The following CFTR variants were observed in gnomAD, a reference collection of about 807,000 sequenced individuals.
The protein encoded by CFTR is CF transmembrane conductance regulator.
In CFTR, 181 loss-of-function variants were observed where a neutral mutation model predicts 171.6. The observed-to-expected ratio is 1.05, with a 90% CI of 0.93 to 1.19. The LOEUF is 1.19. Among genes scored for constraint, CFTR ranks in the 50% most tolerant of loss-of-function variants. The pLI is 0.00. For synonymous variants in CFTR, 583 were observed against 608.0 expected (o/e 0.96, Z 0.60); for missense variants, 1,968 against 1,734.7 (o/e 1.13, Z -2.39).
At chr7:117,595,150 T>C (rs1253580846) in intron 15 of CFTR, 92 bp downstream of exon 15, 1 of 991,496 alleles carries the variant, frequency 1.0e-6, no homozygotes, top group Non-Finnish European at 1.6e-6. Flanking sequence ...CACATAAATA[T>C]GTATATATAC....
At position 117,509,154 on chromosome 7, in the gene CFTR, A is replaced by C; in HGVS notation, c.273+12A>C. 3 of 1,361,404 alleles carry C rather than the reference A, an allele frequency of 2.2e-6. No homozygotes were observed. The highest frequency in any genetic ancestry group is 3.2e-6 in the Non-Finnish European group (3 of 950,112). The allele number at this position is 1,361,404 out of a possible 1,614,324, so 84.3% of individuals were successfully genotyped here. ...TTTTATATTTAGGGGTAAGGATCTC[A>C]TTTGTACATTCATTATGTATCACAT... On this transcript the variant is annotated intron_variant, in intron 3 of 26. Transcript: ENST00000003084.
At chr7:117,644,818 T>G (rs539404580) in intron 23 of CFTR, among the ~76,000 whole-genome samples, 1 of 152,174 alleles carries the variant, frequency 6.6e-6, no homozygotes, top group Admixed American at 6.6e-5. Flanking sequence ...TAATTTGTTC[T>G]GTGTTACCTG....
At chr7:117,597,362 C>T (rs1792147534) in intron 15 of CFTR, among the ~76,000 whole-genome samples, 1 of 152,168 alleles carries the variant, frequency 6.6e-6, no homozygotes, top group Non-Finnish European at 1.5e-5. Context: ...GTCAGTGAGA[C>T]CAAGAACCCA....
At chr7:117,492,874 A>G (rs1345439879) in intron 1 of CFTR, among the ~76,000 whole-genome samples, 1 of 151,992 alleles carries the variant, frequency 6.6e-6, no homozygotes, top group Non-Finnish European at 1.5e-5. Context: ...AATGCATTTG[A>G]GGTTTCTTGG....
chr7:117,509,010 G>C, intron 2 of CFTR, 24 bp from the exon 3 acceptor site: 2 of 1,396,414 alleles, frequency 1.4e-6, no homozygotes, highest in South Asian at 2.3e-5. Context: ...CAACTTATTG[G>C]TCCCACTTTT....
In CFTR at chr7:117,592,225, T is replaced by A; in HGVS notation, c.2058T>A (p.Ser686=). The A allele has an allele frequency of 6.2e-7, 1 of 1,613,814 alleles. No homozygotes were observed. The highest frequency in any genetic ancestry group is 8.5e-7 in the Non-Finnish European group (1 of 1,179,974). Residue 686 remains serine, a synonymous_variant, in exon 14 of 27, where the codon TCT becomes TCA. Transcript: ENST00000003084. ...CCTGGACAGAAACAAAAAAACAATC[T>A]TTTAAACAGACTGGAGAGTTTGGGG... ...PVSWTETKKQ[S]FKQTGEFGEK...
At chr7:117,612,006 G>GATATATATATATATATGTATATATAT (rs1384413256) in intron 20 of CFTR, among the ~76,000 whole-genome samples, 198 bp downstream of exon 20, 35 of 76,718 alleles carry the variant, frequency 4.6e-4, no homozygotes, top group Middle Eastern at 0.012. Flanking sequence ...CTTGAAATCG[G>GATATATATATATATATGTATATATAT]ATATATATAT....
chr7:117,549,615 G>T (rs776655398), intron 10 of CFTR, among the ~76,000 whole-genome samples: 24 of 152,118 alleles, frequency 1.6e-4, no homozygotes, highest in Non-Finnish European at 2.5e-4. Flanking sequence ...TATTAGAATG[G>T]GCTAAAGGGC....
chr7:117,664,698 G>GGTTGTTCT lies in CFTR; in HGVS notation c.3974_3975insGTTGTTCT (p.Ser1326LeufsTer5). The stretch of plus-strand genomic sequence containing the variant: ...CTTCTCTAACTGCAGGTTGGGCTCA[G>GGTTGTTCT]ATCTGTGATAGAACAGTTTCCTGGG... On this transcript the variant is annotated frameshift_variant, in exon 25 of 27. Coordinates refer to ENST00000003084, the MANE Select transcript of CFTR (RefSeq NM_000492.4). LOFTEE classifies it high-confidence loss of function. 6.2e-7 allele frequency: 1 copy of GGTTGTTCT among 1,613,906 alleles called. No individual in the cohort carries two copies. Among genetic ancestry groups the GGTTGTTCT allele is most frequent in the Non-Finnish European group, 8.5e-7 (1 of 1,179,846 alleles).
intron 10 of CFTR, among the ~76,000 whole-genome samples, chr7:117,551,040 C>T (rs185149562): frequency 3.9e-5 from 6 of 152,272 alleles, no homozygotes; most frequent in African/African-American, 1.2e-4. Context: ...TAATTTGTAT[C>T]AGAAGCTTAA....
chr7:117,581,190 A>G (rs1584807503), intron 11 of CFTR, among the ~76,000 whole-genome samples: 1 of 152,266 alleles, frequency 6.6e-6, no homozygotes, highest in South Asian at 2.1e-4. Context: ...CTCACCCTTA[A>G]GAATCCTAGC....
chr7:117,547,685 C>T (rs909086264), intron 9 of CFTR, among the ~76,000 whole-genome samples: 1 of 152,052 alleles, frequency 6.6e-6, no homozygotes, highest in African/African-American at 2.4e-5. Flanking sequence ...TTTATGGGAG[C>T]CTCTTTCAAG....
intron 20 of CFTR, among the ~76,000 whole-genome samples, chr7:117,612,840 T>C (rs1206783017): frequency 1.3e-5 from 2 of 152,170 alleles, no homozygotes; most frequent in Admixed American, 6.6e-5. Flanking sequence ...TTCCTTTCTC[T>C]CTCTGAAGAC....
chr7:117,621,195 G>C (rs1371638536), intron 21 of CFTR, among the ~76,000 whole-genome samples: 1 of 152,138 alleles, frequency 6.6e-6, no homozygotes, highest in African/African-American at 2.4e-5. Flanking sequence ...CAGGGTGACT[G>C]AGCATGATGT....
At chr7:117,637,675 G>A (rs1249554294) in intron 22 of CFTR, among the ~76,000 whole-genome samples, 2 of 151,890 alleles carry the variant, frequency 1.3e-5, no homozygotes, top group South Asian at 2.1e-4. Flanking sequence ...TCAGGAGTTC[G>A]AGACCAGCCT....
chr7:117,601,382 G>C (rs1217341958), intron 15 of CFTR, among the ~76,000 whole-genome samples: 2 of 152,170 alleles, frequency 1.3e-5, no homozygotes, highest in South Asian at 4.1e-4. Flanking sequence ...AAGAAAAGTA[G>C]GAAAGTGAGA....
At position 117,561,460 on chromosome 7, in the gene CFTR, G is replaced by A. The variant is rs190270579; in HGVS notation, c.1584+1805G>A. 1.2e-3 allele frequency among the ~76,000 whole-genome samples: 179 copies of A among 151,996 alleles called. 1 individual carries two copies. The highest frequency in any genetic ancestry group is 3.8e-3 in the African/African-American group (156 of 41,480). On this transcript the variant is annotated intron_variant, in intron 11 of 26. Transcript: ENST00000003084. ...CTGTGCCTATTAGCATCCAATTACC[G>A]TTCCTTTGTAGCTAAGTCTCCCCCA...
At chr7:117,563,426 A>C (rs1791548750) in intron 11 of CFTR, among the ~76,000 whole-genome samples, 1 of 152,160 alleles carries the variant, frequency 6.6e-6, no homozygotes, top group Non-Finnish European at 1.5e-5. Flanking sequence ...GAAGATAAGA[A>C]ATGTCATTTT....
At chr7:117,551,128 A>G (rs1490265547) in intron 10 of CFTR, among the ~76,000 whole-genome samples, 3 of 152,222 alleles carry the variant, frequency 2.0e-5, no homozygotes, top group Admixed American at 6.5e-5. Context: ...GCTCTTCATT[A>G]TAACACTGCT....
Sources: allele counts gnomAD v4.1 joint callset (sites outside exome capture counted in the v4.1 genomes callset), GRCh38; gene constraint gnomAD v4.1.1; transcripts MANE v1.5; gene names NCBI Gene and HGNC (gene_info 2026-07-23, HGNC 2026-07-21).